Variants in CACNA2D4 observed in about 807,000 individuals in gnomAD.
CACNA2D4 encodes voltage-dependent calcium channel subunit alpha-2/delta-4.
Under a neutral mutation model 163.8 loss-of-function variants are expected in CACNA2D4, and 157 were observed. The observed-to-expected ratio is 0.96, with a 90% confidence interval of 0.84 to 1.09. The LOEUF (loss-of-function observed/expected upper bound fraction) is 1.09, where lower values mean the gene tolerates loss of function less well. Among genes scored for constraint, CACNA2D4 ranks in the 50% least tolerant of loss-of-function variants. The probability of loss-of-function intolerance (pLI) is 0.00; values close to 1 mark genes in which losing one functional copy is unlikely to be tolerated. For missense variants in CACNA2D4, 1,410 were observed against 1,479.9 expected, an observed-to-expected ratio of 0.95 and a Z score of 0.78; for synonymous variants, 598 against 586.9, an observed-to-expected ratio of 1.02 and a Z score of -0.27.
intron 26 of CACNA2D4, among the ~76,000 whole-genome samples, chr12:1,830,400 T>C (rs573178185): frequency 1.3e-5 from 2 of 152,304 alleles, no homozygotes; most frequent in African/African-American, 4.8e-5. Flanking sequence ...CGCCTTTCCA[T>C]ACACAGCTCC....
intron 18 of CACNA2D4, among the ~76,000 whole-genome samples, chr12:1,863,836 T>C (rs1210816616): frequency 1.3e-5 from 2 of 151,874 alleles, no homozygotes; most frequent in Non-Finnish European, 2.9e-5. Flanking sequence ...CTATCTAATA[T>C]TGTACACAGC....
Position 1,858,646 on chromosome 12 carries a change from T to C in CACNA2D4, c.1941-2A>G, listed in dbSNP as rs1324401075. 6.3e-7 allele frequency: 1 copy of C among 1,594,124 alleles called. No homozygotes were observed. ...CCCCGGGACAGCACCACCCCCAAAC[T>C]GTGGGGAGAGAAGAGAAGGCACTCA... On this transcript the variant is annotated splice_acceptor_variant, in intron 19 of 37. Coordinates refer to ENST00000382722, the MANE Select transcript of CACNA2D4 (RefSeq NM_172364.5). LOFTEE classifies it high-confidence loss of function.
chr12:1,907,248 C>T (rs1289134722), intron 6 of CACNA2D4, among the ~76,000 whole-genome samples, 192 bp downstream of exon 6: 1 of 152,126 alleles, frequency 6.6e-6, no homozygotes, highest in Admixed American at 6.5e-5. Flanking sequence ...ATTCATTCAT[C>T]CATTCCACAG....
chr12:1,912,075 G>A (rs1866837466), intron 3 of CACNA2D4, among the ~76,000 whole-genome samples: 2 of 152,222 alleles, frequency 1.3e-5, no homozygotes, highest in Non-Finnish European at 2.9e-5. Flanking sequence ...CTCCCAGAGT[G>A]GGGGTTGTGA....
At chr12:1,818,699 C>A (rs1158341880) in intron 26 of CACNA2D4, among the ~76,000 whole-genome samples, 5 of 149,310 alleles carry the variant, frequency 3.3e-5, no homozygotes, top group African/African-American at 1.3e-4. Context: ...ATCTGCTGAC[C>A]TTCCCTCCAC....
intron 13 of CACNA2D4, among the ~76,000 whole-genome samples, chr12:1,881,197 G>T (rs1008509964): frequency 6.6e-6 from 1 of 152,250 alleles, no homozygotes; most frequent in African/African-American, 2.4e-5. Context: ...CTGAGGGACA[G>T]GTGTAAAAGT....
intron 29 of CACNA2D4, among the ~76,000 whole-genome samples, chr12:1,804,163 G>A (rs965401901): frequency 7.2e-6 from 1 of 139,778 alleles, no homozygotes; most frequent in African/African-American, 2.6e-5. Context: ...GTGTGTGTGT[G>A]TCCCCTCCGT....
chr12:1,907,321 G>A, intron 6 of CACNA2D4, 119 bp downstream of exon 6: 1 of 885,792 alleles, frequency 1.1e-6, no homozygotes, highest in African/African-American at 1.7e-5. Flanking sequence ...AGATGCTTTG[G>A]GATAGGAGGA....
intron 22 of CACNA2D4, among the ~76,000 whole-genome samples, chr12:1,855,066 G>T (rs376130069): frequency 6.6e-6 from 1 of 152,006 alleles, no homozygotes; most frequent in Admixed American, 6.6e-5. Flanking sequence ...TTTAAAGCAG[G>T]CCTATTTCTC....
At chr12:1,880,523 C>T (rs546296485) in intron 13 of CACNA2D4, among the ~76,000 whole-genome samples, 2 of 152,382 alleles carry the variant, frequency 1.3e-5, no homozygotes, top group East Asian at 3.9e-4. Context: ...CGTGCCGGCT[C>T]CTCCAGCCAC....
At chr12:1,817,166 A>G (rs1423978414) in intron 26 of CACNA2D4, among the ~76,000 whole-genome samples, 1 of 152,206 alleles carries the variant, frequency 6.6e-6, no homozygotes, top group Admixed American at 6.5e-5. Flanking sequence ...CACAGCGAAT[A>G]CTTAGGTCAC....
chr12:1,859,624 A>G (rs4765645), intron 19 of CACNA2D4, among the ~76,000 whole-genome samples: 132,120 of 152,228 alleles, frequency 0.87, 57,581 homozygotes, highest in East Asian at 0.98. Flanking sequence ...ACATCACCAA[A>G]AAGCAGCAGT....
chr12:1,842,559 C>T (rs952406336), intron 25 of CACNA2D4, among the ~76,000 whole-genome samples: 2 of 152,196 alleles, frequency 1.3e-5, no homozygotes, highest in Admixed American at 6.5e-5. Context: ...CTCACCAGGC[C>T]CCCTTTTTGG....
chr12:1,799,419 T>C lies in CACNA2D4; in HGVS notation c.2995+256A>G, dbSNP rs1341923967. ...ACCCGGCCACACCACCGGCTTCCTC[T>C]TGGAATCTTACGTGTTCTCACCCAA... On this transcript the variant is annotated intron_variant, in intron 34 of 37. Transcript: ENST00000382722. The surrounding 1 kb of genome is among the most constrained non-coding windows in gnomAD (Gnocchi z 4.7). Among the ~76,000 whole-genome samples the C allele has an allele frequency of 6.6e-6, 1 of 152,198 alleles. No homozygotes were observed. Among genetic ancestry groups the C allele is most frequent in the East Asian group, 1.9e-4 (1 of 5,196 alleles).
intron 4 of CACNA2D4, among the ~76,000 whole-genome samples, chr12:1,909,490 G>A (rs545283973): frequency 6.6e-6 from 1 of 152,348 alleles, no homozygotes; most frequent in South Asian, 2.1e-4. Context: ...CACCGCGCCT[G>A]GGCGTGTTTT....
chr12:1,890,000 G>A (rs981430188), intron 6 of CACNA2D4, among the ~76,000 whole-genome samples: 10 of 152,152 alleles, frequency 6.6e-5, no homozygotes, highest in African/African-American at 2.4e-4. Flanking sequence ...AAGCAAGGAA[G>A]GAGACGGAAG....
At chr12:1,859,128 A>G (rs527520870) in intron 19 of CACNA2D4, among the ~76,000 whole-genome samples, 2 of 152,274 alleles carry the variant, frequency 1.3e-5, no homozygotes, top group African/African-American at 4.8e-5. Flanking sequence ...CTACCCCCAG[A>G]AATTGTGATT....
intron 13 of CACNA2D4, among the ~76,000 whole-genome samples, chr12:1,880,957 G>T (rs1192627895): frequency 1.3e-5 from 2 of 152,202 alleles, no homozygotes; most frequent in African/African-American, 2.4e-5. Context: ...GTCTCAGTCT[G>T]GGAGGAGTCC....
intron 27 of CACNA2D4, 32 bp from the exon 28 acceptor site, chr12:1,810,619 A>G: frequency 6.5e-7 from 1 of 1,550,188 alleles, no homozygotes; most frequent in Non-Finnish European, 8.7e-7. Context: ...GAATGTGGAC[A>G]CTGCATGTGT....
Sources: gnomAD v4.1 joint callset for allele counts (sites outside exome capture counted in the v4.1 genomes callset) on GRCh38, gnomAD v4.1.1 for gene constraint, Gnocchi (gnomAD v3.1) non-coding constraint, MANE v1.5 for transcripts, NCBI Gene and HGNC (gene_info 2026-07-23, HGNC 2026-07-21) for gene names.